NEK11: variants seen among roughly 807,000 people sequenced by gnomAD.
The protein encoded by NEK11 is NIMA related kinase 11.
In NEK11, 72 loss-of-function variants were observed where a neutral mutation model predicts 80.7. The ratio of observed to expected loss-of-function variants is 0.89; its 90% CI spans 0.74 to 1.08. The LOEUF (loss-of-function observed/expected upper bound fraction) is 1.08. Ranked by LOEUF, NEK11 falls within the 50% of genes least tolerant of loss-of-function variation. NEK11 has a pLI of 0.00. For missense variants in NEK11, 764 were observed against 763.6 expected, an observed-to-expected ratio of 1.00 and a Z score of -0.01; for synonymous variants, 251 against 260.7, an observed-to-expected ratio of 0.96 and a Z score of 0.36.
At chr3:131,290,919 C>A (rs1392931886) in intron 17 of NEK11, among the ~76,000 whole-genome samples, 1 of 152,192 alleles carries the variant, frequency 6.6e-6, no homozygotes, top group Non-Finnish European at 1.5e-5. Context: ...TTTGTTGCAA[C>A]TGATGAACCT....
intron 3 of NEK11, among the ~76,000 whole-genome samples, chr3:131,057,279 G>A (rs2069735106): frequency 6.6e-6 from 1 of 151,986 alleles, no homozygotes; most frequent in Admixed American, 6.6e-5. Flanking sequence ...TCTTAATCCA[G>A]TCTATCATTG....
At chr3:131,253,250 A>G (rs1051743600) in intron 16 of NEK11, among the ~76,000 whole-genome samples, 3 of 152,170 alleles carry the variant, frequency 2.0e-5, no homozygotes, top group Non-Finnish European at 4.4e-5. Flanking sequence ...TTTCTCATAC[A>G]TGGAAAACAA....
chr3:131,133,400 T>C (rs2084920515), intron 6 of NEK11: 1 of 397,168 alleles, frequency 2.5e-6, no homozygotes, highest in Non-Finnish European at 4.8e-6. Context: ...ATAGTCATGT[T>C]CTTAAATAGT....
intron 15 of NEK11, among the ~76,000 whole-genome samples, chr3:131,242,962 T>A (rs2095541327): frequency 1.3e-5 from 2 of 152,146 alleles, no homozygotes; most frequent in African/African-American, 4.8e-5. Context: ...TTAGCACTCC[T>A]TGAAGACCAT....
intron 15 of NEK11, among the ~76,000 whole-genome samples, chr3:131,240,427 GA>G (rs1410324025): frequency 6.6e-6 from 1 of 152,162 alleles, no homozygotes; most frequent in Non-Finnish European, 1.5e-5. Context: ...AACAGCTTGA[GA>G]AACAAACTGT....
intron 17 of NEK11, among the ~76,000 whole-genome samples, chr3:131,346,230 T>C (rs2097361721): frequency 6.6e-6 from 1 of 152,244 alleles, no homozygotes; most frequent in Admixed American, 6.5e-5. Context: ...GTCATAGATA[T>C]ATTAATCTGC....
intron 7 of NEK11, among the ~76,000 whole-genome samples, chr3:131,136,621 T>C (rs1047656490): frequency 6.6e-6 from 1 of 152,238 alleles, no homozygotes; most frequent in African/African-American, 2.4e-5. Flanking sequence ...ATTATCTTCA[T>C]TCTGCAATCT....
chr3:131,118,385 A>G (rs1020206534), intron 5 of NEK11, among the ~76,000 whole-genome samples: 10 of 152,298 alleles, frequency 6.6e-5, no homozygotes, highest in Admixed American at 1.3e-4. Context: ...CCAGTATTTT[A>G]TTGAGGATTT....
chr3:131,041,621 G>T (rs1454566247), intron 3 of NEK11, among the ~76,000 whole-genome samples: 2 of 152,066 alleles, frequency 1.3e-5, no homozygotes, highest in Non-Finnish European at 2.9e-5. Context: ...TAATTGGACA[G>T]TTTTTTAGTT....
chr3:131,096,360 T>C (rs909738458), intron 4 of NEK11, among the ~76,000 whole-genome samples: 1 of 152,146 alleles, frequency 6.6e-6, no homozygotes, highest in Non-Finnish European at 1.5e-5. Flanking sequence ...ATGATTTCAT[T>C]CCGTTTTTAT....
intron 4 of NEK11, among the ~76,000 whole-genome samples, chr3:131,084,215 C>T (rs1425740219): frequency 6.6e-6 from 1 of 152,180 alleles, no homozygotes; most frequent in Non-Finnish European, 1.5e-5. Context: ...ATCATATGAG[C>T]CATGTCAGAT....
At chr3:131,076,330 A>G (rs2074350011) in intron 3 of NEK11, among the ~76,000 whole-genome samples, 1 of 152,216 alleles carries the variant, frequency 6.6e-6, no homozygotes, top group Non-Finnish European at 1.5e-5. Context: ...AAAAGATTGT[A>G]AGGAAATACA....
chr3:131,176,010 G>A (rs2092989952), intron 14 of NEK11, among the ~76,000 whole-genome samples: 1 of 152,160 alleles, frequency 6.6e-6, no homozygotes, highest in Non-Finnish European at 1.5e-5. Flanking sequence ...CACAAGGAGT[G>A]TTAACAAAGC....
chr3:131,278,437 A>G (rs2096338078), intron 17 of NEK11, among the ~76,000 whole-genome samples: 1 of 152,204 alleles, frequency 6.6e-6, no homozygotes, highest in Non-Finnish European at 1.5e-5. Flanking sequence ...GAATTGATGG[A>G]TAGGTAGGTG....
intron 4 of NEK11, among the ~76,000 whole-genome samples, chr3:131,081,289 G>A (rs748521885): frequency 2.0e-5 from 3 of 152,062 alleles, no homozygotes; most frequent in Non-Finnish European, 2.9e-5. Context: ...CCAGCTCTAT[G>A]GTTTAATTTC....
intron 14 of NEK11, among the ~76,000 whole-genome samples, chr3:131,218,605 C>A (rs1261743642): frequency 6.6e-6 from 1 of 152,162 alleles, no homozygotes; most frequent in African/African-American, 2.4e-5. Context: ...ACCCCCAGTA[C>A]TTCAGAATGT....
At chr3:131,332,646 G>A (rs1364163608) in intron 17 of NEK11, among the ~76,000 whole-genome samples, 1 of 152,212 alleles carries the variant, frequency 6.6e-6, no homozygotes, top group Non-Finnish European at 1.5e-5. Context: ...AGAGAAGAAG[G>A]CTTCAGATGA....
intron 7 of NEK11, among the ~76,000 whole-genome samples, chr3:131,134,514 C>A (rs907428730): frequency 1.4e-4 from 21 of 151,978 alleles, no homozygotes; most frequent in African/African-American, 4.6e-4. Flanking sequence ...GATTCTCCTG[C>A]CTCAGCCTCC....
At chr3:131,261,676 G>A (rs761477134) in intron 16 of NEK11, among the ~76,000 whole-genome samples, 3 of 152,044 alleles carry the variant, frequency 2.0e-5, no homozygotes, top group South Asian at 2.1e-4. Flanking sequence ...CTTTTTCCAC[G>A]GACCTCATTA....
Sources: gnomAD v4.1 joint callset for allele counts (sites outside exome capture counted in the v4.1 genomes callset) on GRCh38, gnomAD v4.1.1 for gene constraint, MANE v1.5 for transcripts, NCBI Gene and HGNC (gene_info 2026-07-23, HGNC 2026-07-21) for gene names.